MAD1L1: variants seen among roughly 807,000 people sequenced by gnomAD.
The protein encoded by MAD1L1 is mitotic spindle assembly checkpoint protein MAD1.
In MAD1L1, 95 loss-of-function variants were observed where a neutral mutation model predicts 96.9. That is an observed-to-expected ratio of 0.98 (90% confidence interval 0.83 to 1.16). MAD1L1 has a LOEUF of 1.16. Among genes scored for constraint, MAD1L1 ranks in the 50% most tolerant of loss-of-function variants. The pLI, the probability that MAD1L1 is intolerant of heterozygous loss-of-function variation, is 0.00. For missense variants in MAD1L1, 1,007 were observed against 954.4 expected (o/e 1.06, Z -0.73); for synonymous variants, 473 against 396.6 (o/e 1.19, Z -2.29).
chr7:1,824,467 C>A (rs1252731345), intron 18 of MAD1L1, among the ~76,000 whole-genome samples: 10 of 152,172 alleles, frequency 6.6e-5, no homozygotes, highest in Admixed American at 6.5e-4. Flanking sequence ...AAACCCTGTG[C>A]CCACGTTACC....
intron 17 of MAD1L1, among the ~76,000 whole-genome samples, chr7:1,914,101 G>A (rs1422248875): frequency 6.6e-6 from 1 of 152,170 alleles, no homozygotes; most frequent in Admixed American, 6.5e-5. Flanking sequence ...ACCCCACAAT[G>A]GGGGACATAC....
chr7:2,161,949 G>T (rs1299920208), intron 10 of MAD1L1, among the ~76,000 whole-genome samples: 2 of 141,606 alleles, frequency 1.4e-5, no homozygotes, highest in Non-Finnish European at 3.2e-5. Context: ...GCCCCCACCC[G>T]GCCAGCCACC....
intron 13 of MAD1L1, among the ~76,000 whole-genome samples, chr7:2,013,221 C>G (rs969249989): frequency 6.6e-6 from 1 of 152,222 alleles, no homozygotes; most frequent in East Asian, 1.9e-4. Context: ...ATCGGGGGAC[C>G]CAGGTCATCT....
chr7:2,074,743 G>A (rs868086413), intron 11 of MAD1L1, among the ~76,000 whole-genome samples: 3 of 152,224 alleles, frequency 2.0e-5, no homozygotes, highest in Non-Finnish European at 2.9e-5. Flanking sequence ...GTGGAGCTGC[G>A]AGGCAACAAC....
At chr7:2,188,952 C>G (rs1412322949) in intron 10 of MAD1L1, among the ~76,000 whole-genome samples, 1 of 152,098 alleles carries the variant, frequency 6.6e-6, no homozygotes, top group Non-Finnish European at 1.5e-5. Flanking sequence ...GAAAAATATT[C>G]AAAACATACA....
Position 2,191,760 on chromosome 7 carries a change from C to T in MAD1L1, c.986+21452G>A, listed in dbSNP as rs193204429. 1.2e-3 allele frequency among the ~76,000 whole-genome samples: 174 copies of T among 150,972 alleles called. 1 individual carries two copies. Among genetic ancestry groups the T allele is most frequent in the African/African-American group, 3.7e-3 (152 of 41,032 alleles). On this transcript the variant is annotated intron_variant, in intron 10 of 18. Transcript: ENST00000265854. Reference sequence around the variant, plus strand: ...AAATTAAAAAAAATTAAGCCGGGTGCGGTGTCTCACGCCTGTAATCCCAGC... The same window carrying T: ...AAATTAAAAAAAATTAAGCCGGGTGTGGTGTCTCACGCCTGTAATCCCAGC...
intron 15 of MAD1L1, among the ~76,000 whole-genome samples, chr7:1,960,157 C>T (rs1183185002): frequency 6.7e-6 from 1 of 150,184 alleles, no homozygotes; most frequent in African/African-American, 2.5e-5. Context: ...CTACAGCAAG[C>T]CCTAAAATAA....
chr7:1,863,366 C>T (rs1272289931), intron 18 of MAD1L1, among the ~76,000 whole-genome samples: 3 of 152,232 alleles, frequency 2.0e-5, no homozygotes, highest in Non-Finnish European at 4.4e-5. Flanking sequence ...AGGCAGCTAC[C>T]GGCAGGCCCG....
At chr7:2,042,079 G>A (rs181890138) in intron 12 of MAD1L1, among the ~76,000 whole-genome samples, 155 of 150,672 alleles carry the variant, frequency 1.0e-3, no homozygotes, top group Admixed American at 1.7e-3. Context: ...ACACACATAT[G>A]TACACACACA....
chr7:2,134,541 C>A (rs1788664012), intron 11 of MAD1L1, among the ~76,000 whole-genome samples: 1 of 152,314 alleles, frequency 6.6e-6, no homozygotes, highest in Middle Eastern at 3.4e-3. Context: ...CTCCTTGCCT[C>A]GTGCCTGATC....
chr7:2,203,674 A>G lies in MAD1L1; in HGVS notation c.986+9538T>C, dbSNP rs75132475. On this transcript the variant is annotated intron_variant, in intron 10 of 18. Coordinates refer to ENST00000265854, the MANE Select transcript of MAD1L1 (RefSeq NM_001013836.2). ...AGCAGACCAGCCTGCGCTGGGGCCA[A>G]AAAACTGTCAAAAACTGAGTGAAAA... Among the ~76,000 whole-genome samples, 1,205 of 152,340 alleles carry G rather than the reference A, an allele frequency of 7.9e-3. 16 individuals carry two copies. The highest frequency in any genetic ancestry group is 0.027 in the African/African-American group (1,136 of 41,568).
At chr7:2,038,918 C>G (rs1783559090) in intron 12 of MAD1L1, among the ~76,000 whole-genome samples, 1 of 152,192 alleles carries the variant, frequency 6.6e-6, no homozygotes, top group African/African-American at 2.4e-5. Flanking sequence ...ATAGCAACAT[C>G]TGGCACAACT....
chr7:2,222,075 C>CTT (rs570570176), intron 5 of MAD1L1, among the ~76,000 whole-genome samples: 3,892 of 141,676 alleles, frequency 0.027, 82 homozygotes, highest in East Asian at 0.051. Context: ...AAGTGCTTAA[C>CTT]TTTTTTTTTT....
At chr7:2,210,962 C>A (rs1457831978) in intron 10 of MAD1L1, among the ~76,000 whole-genome samples, 1 of 152,222 alleles carries the variant, frequency 6.6e-6, no homozygotes, top group East Asian at 1.9e-4. Flanking sequence ...AGCTCCGTGT[C>A]CCCCTTTCAA....
At chr7:2,010,106 G>C (rs1302484602) in intron 13 of MAD1L1, among the ~76,000 whole-genome samples, 1 of 109,232 alleles carries the variant, frequency 9.2e-6, no homozygotes, top group Non-Finnish European at 1.7e-5. Flanking sequence ...CTTTATCTCT[G>C]CTTCGTACAG....
At chr7:1,844,472 A>C (rs1250578581) in intron 18 of MAD1L1, among the ~76,000 whole-genome samples, 1 of 152,010 alleles carries the variant, frequency 6.6e-6, no homozygotes, top group African/African-American at 2.4e-5. Flanking sequence ...ACGGCATTCG[A>C]GGTCCCACCC....
At chr7:2,218,137 A>G (rs1793392836) in intron 6 of MAD1L1, 94 bp from the exon 7 acceptor site, 1 of 917,196 alleles carries the variant, frequency 1.1e-6, no homozygotes, top group Admixed American at 1.8e-5. Context: ...ACAGACCCAC[A>G]TACGTTCATT....
At chr7:1,969,015 T>G (rs116539267) in intron 15 of MAD1L1, among the ~76,000 whole-genome samples, 1 of 152,176 alleles carries the variant, frequency 6.6e-6, no homozygotes, top group African/African-American at 2.4e-5. Flanking sequence ...GAAGAGGGTA[T>G]GAGAACTCTC....
At chr7:2,077,034 G>C (rs1785410712) in intron 11 of MAD1L1, among the ~76,000 whole-genome samples, 1 of 143,176 alleles carries the variant, frequency 7.0e-6, no homozygotes, top group Admixed American at 6.9e-5. Context: ...GCCCGAGACA[G>C]AGTTACGACT....
Sources: gnomAD v4.1 joint callset for allele counts (sites outside exome capture counted in the v4.1 genomes callset) on GRCh38, gnomAD v4.1.1 for gene constraint, MANE v1.5 for transcripts, NCBI Gene and HGNC (gene_info 2026-07-23, HGNC 2026-07-21) for gene names.